Variants in AKAP13 observed in about 807,000 individuals in gnomAD.
AKAP13 encodes A-kinase anchor protein 13.
Under a neutral mutation model 264.5 loss-of-function variants are expected in AKAP13, and 80 were observed. The ratio of observed to expected loss-of-function variants is 0.30; its 90% CI spans 0.25 to 0.36. The LOEUF is 0.36. Among genes scored for constraint, AKAP13 ranks in the 10% least tolerant of loss-of-function variants. The pLI is 1.00. For missense variants in AKAP13, 3,712 were observed against 3,435.2 expected, an observed-to-expected ratio of 1.08 and a Z score of -2.01; for synonymous variants, 1,380 against 1,250.2, an observed-to-expected ratio of 1.10 and a Z score of -2.19.
chr15:85,670,331 C>T (rs1375324103), intron 14 of AKAP13, among the ~76,000 whole-genome samples: 1 of 151,660 alleles, frequency 6.6e-6, no homozygotes, highest in Non-Finnish European at 1.5e-5. Context: ...GTGTATATTT[C>T]CTAAAAACAA....
At chr15:85,531,251 A>G (rs1254667670) in intron 3 of AKAP13, among the ~76,000 whole-genome samples, 2 of 152,182 alleles carry the variant, frequency 1.3e-5, no homozygotes, top group African/African-American at 4.8e-5. Context: ...ATTGCACTGT[A>G]TTTAGATATT....
At chr15:85,623,811 C>T (rs992465501) in intron 8 of AKAP13, among the ~76,000 whole-genome samples, 5 of 152,234 alleles carry the variant, frequency 3.3e-5, no homozygotes, top group African/African-American at 7.2e-5. Flanking sequence ...TTTCTTGATG[C>T]ATGCACTTCT....
At chr15:85,592,741 A>C (rs376920562) in intron 8 of AKAP13, among the ~76,000 whole-genome samples, 1 of 152,214 alleles carries the variant, frequency 6.6e-6, no homozygotes. Context: ...GAGAGTTTCC[A>C]GGAAATTATC....
At chr15:85,556,554 C>T (rs2078155794) in intron 5 of AKAP13, among the ~76,000 whole-genome samples, 1 of 152,198 alleles carries the variant, frequency 6.6e-6, no homozygotes, top group Non-Finnish European at 1.5e-5. Flanking sequence ...TGTTTTCTCA[C>T]CCCTCCAAGA....
chr15:85,451,873 C>T (rs1478540786), intron 1 of AKAP13, among the ~76,000 whole-genome samples: 1 of 152,152 alleles, frequency 6.6e-6, no homozygotes, highest in East Asian at 1.9e-4. Context: ...TAGAATATTG[C>T]AGGAGTTCTT....
intron 5 of AKAP13, among the ~76,000 whole-genome samples, chr15:85,560,154 A>C (rs888517433): frequency 2.7e-5 from 4 of 146,126 alleles, no homozygotes; most frequent in Non-Finnish European, 4.5e-5. Flanking sequence ...AAAAAAAAAA[A>C]AAACAGTAAA....
chr15:85,474,498 C>T (rs1353157983), intron 1 of AKAP13, among the ~76,000 whole-genome samples: 1 of 152,174 alleles, frequency 6.6e-6, no homozygotes, highest in Admixed American at 6.5e-5. Context: ...GAATGACTGT[C>T]TAAGGGATTA....
intron 1 of AKAP13, among the ~76,000 whole-genome samples, chr15:85,425,629 T>A (rs531797660): frequency 6.7e-6 from 1 of 150,028 alleles, no homozygotes; most frequent in East Asian, 2.0e-4. Context: ...GGCAGGAGAA[T>A]CACTTGAACC....
intron 29 of AKAP13, among the ~76,000 whole-genome samples, chr15:85,729,921 G>A (rs2542608): frequency 0.14 from 21,101 of 151,760 alleles, 1,917 homozygotes; most frequent in East Asian, 0.34. Flanking sequence ...TCCAGTCTGG[G>A]CAATAGGAGC....
intron 1 of AKAP13, among the ~76,000 whole-genome samples, chr15:85,463,270 T>A (rs528591931): frequency 1.3e-5 from 2 of 152,274 alleles, no homozygotes; most frequent in African/African-American, 4.8e-5. Context: ...AAAAAATATT[T>A]GAACAAACAA....
At chr15:85,667,063 A>G (rs1303639525) in intron 13 of AKAP13, among the ~76,000 whole-genome samples, 1 of 152,202 alleles carries the variant, frequency 6.6e-6, no homozygotes, top group Non-Finnish European at 1.5e-5. Context: ...TTTTGAATAG[A>G]TGACTGGAGT....
chr15:85,644,553 C>CT (rs1239040280), intron 9 of AKAP13, among the ~76,000 whole-genome samples: 2 of 150,284 alleles, frequency 1.3e-5, no homozygotes, highest in Non-Finnish European at 3.0e-5. Context: ...GACTTTTATC[C>CT]TTAAAACTTC....
At chr15:85,538,047 A>T (rs79287260) in intron 4 of AKAP13, among the ~76,000 whole-genome samples, 16,546 of 151,996 alleles carry the variant, frequency 0.11, 1,221 homozygotes, top group Non-Finnish European at 0.17. Context: ...GGGTAAGGAC[A>T]TTTTTTTCTC....
At position 85,423,208 on chromosome 15, in the gene AKAP13, C is replaced by T. The variant is rs62024525; in HGVS notation, c.-12+42410C>T. On this transcript the variant is annotated intron_variant, in intron 1 of 36. Transcript: ENST00000394518. The stretch of plus-strand genomic sequence containing the variant: ...TAGGCAATTTCTTAAAATAAGACAA[C>T]AGTGAAGTTTGCTGCATTGATTGAC... Among the ~76,000 whole-genome samples the T allele has an allele frequency of 7.1e-3, 1,082 of 152,288 alleles. 11 individuals are homozygous for T. The highest frequency in any genetic ancestry group is 0.01 in the Middle Eastern group (3 of 294).
At chr15:85,423,615 A>G (rs1479799174) in intron 1 of AKAP13, among the ~76,000 whole-genome samples, 1 of 152,172 alleles carries the variant, frequency 6.6e-6, no homozygotes, top group East Asian at 1.9e-4. Flanking sequence ...CAAGTCATCC[A>G]TCAGGGCTGG....
intron 5 of AKAP13, among the ~76,000 whole-genome samples, chr15:85,568,285 C>G (rs1426105253): frequency 6.7e-6 from 1 of 149,820 alleles, no homozygotes; most frequent in Non-Finnish European, 1.5e-5. Context: ...GAGTGACCCT[C>G]TATCAAAAAA....
In AKAP13 at chr15:85,525,597, A is replaced by C. The variant is rs566871237; in HGVS notation, c.181+4022A>C. On this transcript the variant is annotated intron_variant, in intron 3 of 36. Coordinates refer to ENST00000394518, the MANE Select transcript of AKAP13 (RefSeq NM_007200.5). ...GAAACATAGCTTGAGATGGAAGTAT[A>C]CTTCTAGTAATGAAAGATCTTGCCT... 1.1e-4 allele frequency among the ~76,000 whole-genome samples: 16 copies of C among 152,364 alleles called. No homozygotes were observed. The South Asian group carries it at 3.3e-3, about 32-fold the overall frequency.
At chr15:85,469,223 A>G (rs1027926943) in intron 1 of AKAP13, among the ~76,000 whole-genome samples, 2 of 151,160 alleles carry the variant, frequency 1.3e-5, no homozygotes, top group Non-Finnish European at 1.5e-5. Context: ...CCAGGTGTGT[A>G]AATGTTTAAG....
chr15:85,473,272 A>G (rs922078686), intron 1 of AKAP13, among the ~76,000 whole-genome samples: 1 of 152,204 alleles, frequency 6.6e-6, no homozygotes, highest in Admixed American at 6.5e-5. Flanking sequence ...AGTAAAGAGT[A>G]GGGATGTAGG....
Sources: allele counts gnomAD v4.1 joint callset (sites outside exome capture counted in the v4.1 genomes callset), GRCh38; gene constraint gnomAD v4.1.1; transcripts MANE v1.5; gene names NCBI Gene and HGNC (gene_info 2026-07-23, HGNC 2026-07-21).